PIAS2: variants seen among roughly 807,000 people sequenced by gnomAD.
The protein encoded by PIAS2 is protein inhibitor of activated STAT 2, also known as E3 SUMO-protein ligase PIAS2.
A neutral mutation model predicts 69.7 loss-of-function variants in PIAS2; 19 were observed. The ratio of observed to expected loss-of-function variants is 0.27; its 90% CI spans 0.19 to 0.40. PIAS2 has a LOEUF of 0.40. Among genes scored for constraint, PIAS2 ranks in the 10% least tolerant of loss-of-function variants. The probability of loss-of-function intolerance (pLI) is 1.00; values close to 1 mark genes in which losing one functional copy is unlikely to be tolerated. For synonymous variants in PIAS2, 261 were observed against 263.2 expected (o/e 0.99, Z 0.08); for missense variants, 624 against 757.0 (o/e 0.82, Z 2.06).
intron 2 of PIAS2, among the ~76,000 whole-genome samples, chr18:46,873,206 C>T (rs538076163): frequency 1.3e-5 from 2 of 152,278 alleles, no homozygotes; most frequent in East Asian, 1.9e-4. Context: ...GATGGCTCAC[C>T]GACTCAAGGA....
At chr18:46,877,281 A>C (rs1274721749) in intron 2 of PIAS2, among the ~76,000 whole-genome samples, 1 of 152,250 alleles carries the variant, frequency 6.6e-6, no homozygotes, top group African/African-American at 2.4e-5. Context: ...GAATTATAAA[A>C]ATCAAAAGAA....
At chr18:46,867,771 G>A (rs2049713369) in intron 2 of PIAS2, among the ~76,000 whole-genome samples, 1 of 152,188 alleles carries the variant, frequency 6.6e-6, no homozygotes, top group South Asian at 2.1e-4. Flanking sequence ...TGAGTAGTGG[G>A]GTCTTTATCA....
intron 2 of PIAS2, among the ~76,000 whole-genome samples, chr18:46,867,333 T>A (rs1469729614): frequency 6.6e-6 from 1 of 152,212 alleles, no homozygotes; most frequent in East Asian, 1.9e-4. Flanking sequence ...AAATTGTGCA[T>A]ATGCTAATAA....
At chr18:46,889,873 G>A (rs1249172465) in intron 2 of PIAS2, among the ~76,000 whole-genome samples, 1 of 152,212 alleles carries the variant, frequency 6.6e-6, no homozygotes, top group Non-Finnish European at 1.5e-5. Flanking sequence ...CAGAAATATA[G>A]AAGTAAAACC....
chr18:46,886,839 C>G (rs971103068), intron 2 of PIAS2, among the ~76,000 whole-genome samples: 1 of 151,370 alleles, frequency 6.6e-6, no homozygotes, highest in African/African-American at 2.4e-5. Context: ...CTCTGTCCCC[C>G]CCCTCCAAAA....
rs2144667627 is a variant in PIAS2, at chr18:46,807,727, T to C, written c.*4706A>G. Reference sequence around the variant, plus strand: ...CAGATATATTTAAAACTAAGAAAGCTTGGGAAAATCTCTGCCAATGATCTC... The same window carrying C: ...CAGATATATTTAAAACTAAGAAAGCCTGGGAAAATCTCTGCCAATGATCTC... On this transcript the variant is annotated 3_prime_UTR_variant, in exon 14 of 14. Coordinates refer to ENST00000585916, the MANE Select transcript of PIAS2 (RefSeq NM_004671.5). The C allele has an allele frequency of 6.6e-6, 1 of 152,232 alleles. No individual in the cohort carries two copies. The highest frequency in any genetic ancestry group is 2.1e-4 in the South Asian group (1 of 4,818). The allele number at this position is 152,232 out of a possible 1,614,324, so 9.4% of individuals were successfully genotyped here. A position where few individuals can be genotyped will look rare whatever the true frequency, so the allele number is the denominator to read the frequency against.
At chr18:46,919,621 C>T (rs2058413530), upstream of PIAS2, among the ~76,000 whole-genome samples, 1 of 152,096 alleles carries the variant, frequency 6.6e-6, no homozygotes, top group Non-Finnish European at 1.5e-5. Context: ...TGCACTCCAG[C>T]CTGGGCAACA....
chr18:46,909,923 T>C (rs1001089163), intron 1 of PIAS2, among the ~76,000 whole-genome samples: 1 of 152,134 alleles, frequency 6.6e-6, no homozygotes, highest in Non-Finnish European at 1.5e-5. Flanking sequence ...TCCCAGCACT[T>C]TGGGAGGCCA....
Position 46,844,066 on chromosome 18 carries a change from G to A in PIAS2, c.1029C>T (p.Ser343=), listed in dbSNP as rs1365506062. ...SEIATTSLRV[S]LMCPLGKMRL... Reference sequence around the variant, plus strand: ...TTGCTTTACTTACAGGGCACATCAAGGATACCCGAAGGCTAGTTGTAGCAA... The same window carrying A: ...TTGCTTTACTTACAGGGCACATCAAAGATACCCGAAGGCTAGTTGTAGCAA... Residue 343 remains serine, a synonymous_variant, in exon 8 of 14, where the codon TCC becomes TCT. Transcript: ENST00000585916. 2 of 1,530,926 alleles carry A rather than the reference G, an allele frequency of 1.3e-6. No individual in the cohort carries two copies. Among genetic ancestry groups the A allele is most frequent in the South Asian group, 1.4e-5 (1 of 73,736 alleles). 94.8% of individuals were successfully genotyped at this position (1,530,926 alleles called of 1,614,324 possible). A position where few individuals can be genotyped will look rare whatever the true frequency, so the allele number is the denominator to read the frequency against.
At chr18:46,817,159 A>C in intron 12 of PIAS2, 1 of 961,248 alleles carries the variant, frequency 1.0e-6, no homozygotes, top group Non-Finnish European at 1.2e-6. Context: ...CTACCTTTTT[A>C]TAGTTTTTCA....
intron 2 of PIAS2, among the ~76,000 whole-genome samples, chr18:46,872,510 T>C (rs1399555680): frequency 6.6e-6 from 1 of 152,212 alleles, no homozygotes; most frequent in Non-Finnish European, 1.5e-5. Context: ...CTTGCTCCAA[T>C]ACGTGGATGA....
At chr18:46,855,821 T>C (rs1362344933) in intron 3 of PIAS2, among the ~76,000 whole-genome samples, 3 of 152,124 alleles carry the variant, frequency 2.0e-5, no homozygotes, top group Non-Finnish European at 4.4e-5. Context: ...CACGTCTTTA[T>C]GGCAATTTTA....
At chr18:46,915,791 CAA>C (rs879676692) in intron 1 of PIAS2, among the ~76,000 whole-genome samples, 11 of 86,534 alleles carry the variant, frequency 1.3e-4, no homozygotes, top group Admixed American at 1.2e-4. Flanking sequence ...TTTTCATTAA[CAA>C]AAAAAAAAAA....
chr18:46,919,639 AC>A, upstream of PIAS2, among the ~76,000 whole-genome samples: 1 of 152,316 alleles, frequency 6.6e-6, no homozygotes, highest in East Asian at 1.9e-4. Context: ...ACAGAGTGAG[AC>A]TTTGTCTCAA....
At chr18:46,891,691 G>C in intron 1 of PIAS2, 1 of 959,878 alleles carries the variant, frequency 1.0e-6, no homozygotes, top group Non-Finnish European at 1.2e-6. Context: ...TCCCAGCTGG[G>C]TATCCAAATG....
In PIAS2 at chr18:46,917,444, C is replaced by T. The variant is rs2058111539; in HGVS notation, c.-99G>A. The T allele has an allele frequency of 1.6e-6, 2 of 1,265,780 alleles. No individual in the cohort carries two copies. The highest frequency in any genetic ancestry group is 2.0e-6 in the Non-Finnish European group (2 of 1,002,712). The allele number at this position is 1,265,780 out of a possible 1,614,324, so 78.4% of individuals were successfully genotyped here. A position where few individuals can be genotyped will look rare whatever the true frequency, so the allele number is the denominator to read the frequency against. On this transcript the variant is annotated 5_prime_UTR_variant, in exon 1 of 14. It removes an upstream start codon present in the reference 5' UTR. Coordinates refer to ENST00000585916, the MANE Select transcript of PIAS2 (RefSeq NM_004671.5). ...CCACGGCCGCCGCCGCCTCCAGCAC[C>T]ATCCTGCACTGGGCGCCGCTTAAGA...
intron 11 of PIAS2, among the ~76,000 whole-genome samples, chr18:46,823,073 C>CAAAA (rs34457697): frequency 8.4e-6 from 1 of 119,688 alleles, no homozygotes; most frequent in African/African-American, 3.1e-5. Context: ...CTTGTATCTA[C>CAAAA]AAAAAAAAAA....
At chr18:46,833,543 A>G (rs1389534073) in intron 9 of PIAS2, among the ~76,000 whole-genome samples, 1 of 152,230 alleles carries the variant, frequency 6.6e-6, no homozygotes, top group Non-Finnish European at 1.5e-5. Flanking sequence ...TGCCTACTTC[A>G]TAAGAGGTTT....
Position 46,890,630 on chromosome 18 carries a change from T to C in PIAS2, c.449A>G (p.Asn150Ser), listed in dbSNP as rs1467167436. The C allele has an allele frequency of 3.1e-6, 5 of 1,613,988 alleles. No individual in the cohort carries two copies. Among genetic ancestry groups the C allele is most frequent in the Non-Finnish European group, 4.2e-6 (5 of 1,179,978 alleles). ...PPVHPDVQLK[N>S]LPFYDVLDVL... Reference sequence around the variant, plus strand: ...ATCAAGGACATCATAAAAGGGCAGATTTTTTAACTGCACATCAGGATGGAC... The same window carrying C: ...ATCAAGGACATCATAAAAGGGCAGACTTTTTAACTGCACATCAGGATGGAC... The change falls in exon 2 of 14, where the codon AAT (asparagine) becomes AGT (serine). Residue 150 changes from asparagine to serine, a missense_variant. Coordinates refer to ENST00000585916, the MANE Select transcript of PIAS2 (RefSeq NM_004671.5).
Sources: gnomAD v4.1 joint callset for allele counts (sites outside exome capture counted in the v4.1 genomes callset) on GRCh38, gnomAD v4.1.1 for gene constraint, MANE v1.5 for transcripts, NCBI Gene and HGNC (gene_info 2026-07-23, HGNC 2026-07-21) for gene names.